The following CIB2 variants were observed in gnomAD, a reference collection of about 807,000 sequenced individuals.
The protein encoded by CIB2 is calcium and integrin-binding family member 2.
A neutral mutation model predicts 23.1 loss-of-function variants in CIB2; 19 were observed. That is an observed-to-expected ratio of 0.82 (90% confidence interval 0.57 to 1.21). CIB2 has a LOEUF of 1.21. Ranked by LOEUF, CIB2 falls within the 50% of genes most tolerant of loss-of-function variation. The pLI, the probability that CIB2 is intolerant of heterozygous loss-of-function variation, is 0.00. For missense variants in CIB2, 220 were observed against 241.5 expected (o/e 0.91, Z 0.59); for synonymous variants, 94 against 91.7 (o/e 1.03, Z -0.14).
At chr15:78,106,668 G>A (rs945117993) in intron 4 of CIB2, among the ~76,000 whole-genome samples, 3 of 152,244 alleles carry the variant, frequency 2.0e-5, no homozygotes, top group African/African-American at 7.2e-5. Flanking sequence ...ATCTGCGCAT[G>A]TGCTGTTTCT....
At chr15:78,130,979 C>T (rs2074445940) in intron 1 of CIB2, among the ~76,000 whole-genome samples, 186 bp downstream of exon 1, 1 of 152,066 alleles carries the variant, frequency 6.6e-6, no homozygotes. Flanking sequence ...TCTTATTCCA[C>T]CGGTGGGGAA....
intron 2 of CIB2, among the ~76,000 whole-genome samples, chr15:78,117,047 A>T (rs1215301270): frequency 6.6e-6 from 1 of 151,720 alleles, no homozygotes; most frequent in Non-Finnish European, 1.5e-5. Context: ...TTAACAAAAG[A>T]TATAAAAATA....
chr15:78,115,554 C>T (rs1596354724), intron 2 of CIB2, among the ~76,000 whole-genome samples: 1 of 151,736 alleles, frequency 6.6e-6, no homozygotes, highest in African/African-American at 2.4e-5. Context: ...AGCCACCGCA[C>T]CTGGTCAAAA....
intron 1 of CIB2, among the ~76,000 whole-genome samples, chr15:78,125,534 CT>C (rs2141916560): frequency 1.3e-5 from 2 of 152,308 alleles, no homozygotes; most frequent in African/African-American, 4.8e-5. Flanking sequence ...TATAACCCTG[CT>C]CCCTGTCACA....
At chr15:78,112,502 G>A (rs961870774) in intron 2 of CIB2, among the ~76,000 whole-genome samples, 12 of 152,232 alleles carry the variant, frequency 7.9e-5, no homozygotes, top group African/African-American at 2.2e-4. Context: ...AGGAGTTGGA[G>A]GCTGCAGTGA....
chr15:78,105,219 C>T lies in CIB2; in HGVS notation c.*92G>A. 1 of 1,549,372 alleles carries T rather than the reference C, an allele frequency of 6.5e-7. No individual in the cohort carries two copies. The highest frequency in any genetic ancestry group is 2.3e-5 in the East Asian group (1 of 43,790). On this transcript the variant is annotated 3_prime_UTR_variant, in exon 6 of 6. Transcript: ENST00000258930. ...TTTGTGGTGTAAACCCCAGAGGCTG[C>T]CACTGCTTTCCTGGGGAGCTTGGAG... is the stretch of plus-strand genomic sequence containing the variant.
chr15:78,127,987 C>T (rs1427479605), intron 1 of CIB2, among the ~76,000 whole-genome samples: 1 of 152,228 alleles, frequency 6.6e-6, no homozygotes, highest in African/African-American at 2.4e-5. Flanking sequence ...GAGTTCTTTG[C>T]TCTCCTGGAG....
chr15:78,117,246 C>CAAAAAAAAAAAAAAAAAAAAAAAA lies in CIB2; in HGVS notation c.87-5994_87-5971dup, dbSNP rs60332437. ...GTTAAGTGTTTCTTCAAGCTACTGG[C>CAAAAAAAAAAAAAAAAAAAAAAAA]AAAAAAAAAAAAAAAAAAAAAAAAA... On this transcript the variant is annotated intron_variant, in intron 2 of 5. Coordinates refer to ENST00000258930, the MANE Select transcript of CIB2 (RefSeq NM_006383.4). 7.2e-4 allele frequency among the ~76,000 whole-genome samples: 40 copies of CAAAAAAAAAAAAAAAAAAAAAAAA among 55,478 alleles called. 3 individuals are homozygous for CAAAAAAAAAAAAAAAAAAAAAAAA. The highest frequency in any genetic ancestry group is 1.3e-3 in the African/African-American group (15 of 11,218). The allele number at this position is 55,478 out of a possible 152,430, so 36.4% of individuals were successfully genotyped here. A position where few individuals can be genotyped will look rare whatever the true frequency, so the allele number is the denominator to read the frequency against.
Position 78,131,091 on chromosome 15 carries a change from G to C in CIB2, c.51+74C>G. ...GGAGAGCTGGCTCTCGGGAGGCCTCGGCCAGCGACCGAGAAAAGGGAGGGG... is the reference window on the plus strand; with the variant it reads ...GGAGAGCTGGCTCTCGGGAGGCCTCCGCCAGCGACCGAGAAAAGGGAGGGG... On this transcript the variant is annotated intron_variant, in intron 1 of 5. Coordinates refer to ENST00000258930, the MANE Select transcript of CIB2 (RefSeq NM_006383.4). The surrounding 1 kb of genome is among the most constrained non-coding windows in gnomAD (Gnocchi z 5.8). 1 of 1,380,886 alleles carries C rather than the reference G, an allele frequency of 7.2e-7. No homozygotes were observed. The highest frequency in any genetic ancestry group is 9.8e-7 in the Non-Finnish European group (1 of 1,020,244). 85.5% of individuals were successfully genotyped at this position (1,380,886 alleles called of 1,614,324 possible).
intron 2 of CIB2, among the ~76,000 whole-genome samples, chr15:78,116,012 A>AT (rs57203234): frequency 2.1e-4 from 32 of 152,022 alleles, no homozygotes; most frequent in African/African-American, 7.7e-4. Flanking sequence ...GAAAAAAAAA[A>AT]TTGCATCTAC....
chr15:78,113,396 C>G (rs1182973831), intron 2 of CIB2, among the ~76,000 whole-genome samples: 1 of 152,090 alleles, frequency 6.6e-6, no homozygotes, highest in East Asian at 1.9e-4. Context: ...AGCTGAGACT[C>G]TCCACAAGAG....
At chr15:78,113,666 G>T (rs2074195252) in intron 2 of CIB2, among the ~76,000 whole-genome samples, 1 of 152,004 alleles carries the variant, frequency 6.6e-6, no homozygotes, top group Non-Finnish European at 1.5e-5. Flanking sequence ...GAGTAGCTGG[G>T]ACTACAGGCG....
chr15:78,114,459 G>A (rs1391265555), intron 2 of CIB2, among the ~76,000 whole-genome samples: 1 of 152,188 alleles, frequency 6.6e-6, no homozygotes, highest in Non-Finnish European at 1.5e-5. Flanking sequence ...TAGTCCTACT[G>A]TAACATCCAG....
intron 2 of CIB2, among the ~76,000 whole-genome samples, chr15:78,120,084 T>C (rs2141907023): frequency 6.6e-6 from 1 of 151,148 alleles, no homozygotes; most frequent in Admixed American, 6.6e-5. Flanking sequence ...TATTTTTTTT[T>C]TAGAGACAGG....
chr15:78,110,434 G>C (rs1161012102), intron 3 of CIB2, among the ~76,000 whole-genome samples: 1 of 152,216 alleles, frequency 6.6e-6, no homozygotes, highest in African/African-American at 2.4e-5. Flanking sequence ...GTCACAACCA[G>C]AGTGCAGGCC....
Position 78,131,348 on chromosome 15 carries a change from C to G in CIB2, c.-133G>C. 1 of 569,570 alleles carries G rather than the reference C, an allele frequency of 1.8e-6. No homozygotes were observed. Among genetic ancestry groups the G allele is most frequent in the Middle Eastern group, 6.0e-4 (1 of 1,658 alleles). 35.3% of individuals were successfully genotyped at this position (569,570 alleles called of 1,614,324 possible). On this transcript the variant is annotated 5_prime_UTR_variant, in exon 1 of 6. Transcript: ENST00000258930. The surrounding 1 kb of genome is among the most constrained non-coding windows in gnomAD (Gnocchi z 5.8). ...GGCAGCGGCCCACGGTGGCCGGACC[C>G]TTCCCGCCCCGCAGCTCGCCTGGAG...
At chr15:78,127,209 T>A (rs2074393159) in intron 1 of CIB2, among the ~76,000 whole-genome samples, 1 of 152,200 alleles carries the variant, frequency 6.6e-6, no homozygotes. Context: ...TTCCCTTCTC[T>A]GGAGTCACCA....
At position 78,115,874 on chromosome 15, in the gene CIB2, A is replaced by G. The variant is rs2074233087; in HGVS notation, c.87-4598T>C. ...TGTATATACTGGGGATATACCCATC[A>G]ATGTGGGATGCCTATAATCACCATT... On this transcript the variant is annotated intron_variant, in intron 2 of 5. Coordinates refer to ENST00000258930, the MANE Select transcript of CIB2 (RefSeq NM_006383.4). 2.0e-5 allele frequency among the ~76,000 whole-genome samples: 3 copies of G among 151,566 alleles called. No individual in the cohort carries two copies. In the South Asian group the frequency reaches 6.2e-4, roughly 32 times the overall value.
intron 1 of CIB2, among the ~76,000 whole-genome samples, chr15:78,125,488 A>T (rs1240168175): frequency 6.6e-6 from 1 of 152,018 alleles, no homozygotes; most frequent in Non-Finnish European, 1.5e-5. Flanking sequence ...GTCCTGATTC[A>T]AGGGTTCTCC....
Sources: allele counts gnomAD v4.1 joint callset (sites outside exome capture counted in the v4.1 genomes callset), GRCh38; gene constraint gnomAD v4.1.1; non-coding constraint Gnocchi (gnomAD v3.1); transcripts MANE v1.5; gene names NCBI Gene and HGNC (gene_info 2026-07-23, HGNC 2026-07-21).